GALNT9: variants seen among roughly 807,000 people sequenced by gnomAD.
The protein encoded by GALNT9 is polypeptide N-acetylgalactosaminyltransferase 9.
GALNT9 carries 47 observed loss-of-function variants against 63.1 expected under a neutral mutation model. The ratio of observed to expected loss-of-function variants is 0.75; its 90% CI spans 0.59 to 0.95. GALNT9 has a LOEUF of 0.95. Ranked by LOEUF, GALNT9 falls within the 40% of genes least tolerant of loss-of-function variation. The pLI, the probability that GALNT9 is intolerant of heterozygous loss-of-function variation, is 0.00. For synonymous variants in GALNT9, 396 were observed against 365.7 expected (o/e 1.08, Z -0.94); for missense variants, 829 against 874.8 (o/e 0.95, Z 0.66).
Position 132,286,266 on chromosome 12 carries a change from C to T in GALNT9, c.403G>A (p.Asp135Asn), listed in dbSNP as rs953723937. 4.5e-6 allele frequency: 7 copies of T among 1,550,386 alleles called. No individual in the cohort carries two copies. Among genetic ancestry groups the T allele is most frequent in the Non-Finnish European group, 5.2e-6 (6 of 1,146,458 alleles). ...CTCACTCACTTTCTGGGCCGGTAGT[C>T]GGGGATGCTCCGATCGAGGGAGATG... The part of the protein sequence containing the change: ...DRISLDRSIP[D>N]YRPRKCRQMS... The change falls in exon 2 of 11, where the codon GAC (aspartate) becomes AAC (asparagine). Residue 135 changes from aspartate to asparagine, a missense_variant. Coordinates refer to ENST00000328957, the MANE Select transcript of GALNT9 (RefSeq NM_001122636.2). The surrounding 1 kb of genome is among the most constrained non-coding windows in gnomAD (Gnocchi z 7.4).
chr12:132,197,907 G>A lies in GALNT9; in HGVS notation c.1550C>T (p.Thr517Ile), dbSNP rs370730159. ...ACACTTGGAGTCAGGCAAGAAGGCT[G>A]TGGAGCCCAGAGGCCCCAGCTGCAG... is the stretch of plus-strand genomic sequence containing the variant. Reference protein sequence around the residue: ...GLLQLGPLGSTAFLPDSKCLV... With the variant: ...GLLQLGPLGSIAFLPDSKCLV... Residue 517 changes from threonine (T) to isoleucine (I), a missense_variant, in exon 10 of 11, where the codon ACA (threonine) becomes ATA (isoleucine). By Grantham distance (89) the Thr-to-Ile change is moderately conservative. Transcript: ENST00000328957. The A allele has an allele frequency of 4.3e-6, 7 of 1,611,670 alleles. No homozygotes were observed. The highest frequency in any genetic ancestry group is 3.3e-5 in the South Asian group (3 of 90,784).
intron 1 of GALNT9, among the ~76,000 whole-genome samples, chr12:132,304,855 G>A (rs1211591373): frequency 4.2e-5 from 2 of 47,472 alleles, no homozygotes; most frequent in Admixed American, 4.6e-4. Context: ...ACCCTCACCC[G>A]GGCACAGAAT....
chr12:132,225,684 G>A (rs1209466344), intron 6 of GALNT9, among the ~76,000 whole-genome samples: 15 of 89,186 alleles, frequency 1.7e-4, no homozygotes, highest in East Asian at 3.7e-4. Flanking sequence ...CACACTGTAC[G>A]TACACACCCC....
chr12:132,199,202 A>G lies in GALNT9; in HGVS notation c.1469T>C (p.Leu490Pro). Residue 490 changes from leucine (L) to proline (P), a missense_variant, in exon 9 of 11, where the codon CTC (leucine) becomes CCC (proline). Leu to Pro is a moderately conservative substitution (Grantham distance 98). Transcript: ENST00000328957. ...QGAEDGDRAI[L>P]YPCHGMSSQL... Reference sequence around the variant, plus strand: ...GGAGGACATCCCGTGGCAGGGGTAGAGGATCGCCCGGTCGCCGTCCTCCGC... The same window carrying G: ...GGAGGACATCCCGTGGCAGGGGTAGGGGATCGCCCGGTCGCCGTCCTCCGC... 6.2e-7 allele frequency: 1 copy of G among 1,603,418 alleles called. No homozygotes were observed. The highest frequency in any genetic ancestry group is 8.5e-7 in the Non-Finnish European group (1 of 1,178,996).
intron 1 of GALNT9, among the ~76,000 whole-genome samples, chr12:132,309,823 C>T (rs1274699813): frequency 3.3e-5 from 5 of 152,184 alleles, no homozygotes; most frequent in Non-Finnish European, 4.4e-5. Context: ...GAGAAAGAGA[C>T]CATGCCAGGA....
At chr12:132,222,332 C>T (rs1307488555) in intron 6 of GALNT9, among the ~76,000 whole-genome samples, 2 of 152,162 alleles carry the variant, frequency 1.3e-5, no homozygotes, top group East Asian at 3.8e-4. Flanking sequence ...GGCCCCAGCA[C>T]TTGGGGAGGC....
chr12:132,312,724 A>C (rs1436375151), intron 1 of GALNT9, among the ~76,000 whole-genome samples: 3 of 152,202 alleles, frequency 2.0e-5, no homozygotes, highest in Non-Finnish European at 2.9e-5. Context: ...TGAAGCCCCC[A>C]GTGGAGTCCA....
Position 132,246,965 on chromosome 12 carries a change from T to C in GALNT9, c.1077+945A>G, listed in dbSNP as rs1878726896. Among the ~76,000 whole-genome samples the C allele has an allele frequency of 6.6e-6, 1 of 152,252 alleles. No homozygotes were observed. The highest frequency in any genetic ancestry group is 6.5e-5 in the Admixed American group (1 of 15,284). On this transcript the variant is annotated intron_variant, in intron 6 of 10. Coordinates refer to ENST00000328957, the MANE Select transcript of GALNT9 (RefSeq NM_001122636.2). The surrounding 1 kb of genome is among the most constrained non-coding windows in gnomAD (Gnocchi z 4.7). ...AACCGCAAGCTTACAGCACAGGTTT[T>C]GAAAGGTGCAACTTAATAAACTACA...
intron 4 of GALNT9, among the ~76,000 whole-genome samples, chr12:132,258,988 T>C (rs1380299344): frequency 6.6e-6 from 1 of 152,244 alleles, no homozygotes; most frequent in Non-Finnish European, 1.5e-5. Context: ...GGCAAGGCCC[T>C]GACCCTGCCT....
At chr12:132,210,904 C>T (rs1035220256) in intron 6 of GALNT9, among the ~76,000 whole-genome samples, 2 of 147,850 alleles carry the variant, frequency 1.4e-5, no homozygotes, top group African/African-American at 5.0e-5. Flanking sequence ...GTCTGGAGGT[C>T]GCTGTCTGGT....
intron 1 of GALNT9, among the ~76,000 whole-genome samples, chr12:132,326,140 A>G (rs1869026313): frequency 6.6e-6 from 1 of 152,228 alleles, no homozygotes; most frequent in Non-Finnish European, 1.5e-5. Flanking sequence ...TCTTAAAGGC[A>G]GAAGGGTTTG....
chr12:132,228,144 A>C (rs1236118340), intron 6 of GALNT9, among the ~76,000 whole-genome samples: 5 of 151,938 alleles, frequency 3.3e-5, no homozygotes, highest in African/African-American at 7.3e-5. Context: ...CCTTGGACAA[A>C]GCAGCTCTAG....
intron 1 of GALNT9, among the ~76,000 whole-genome samples, chr12:132,323,640 G>C (rs898908978): frequency 2.6e-5 from 4 of 152,244 alleles, no homozygotes; most frequent in Non-Finnish European, 4.4e-5. Flanking sequence ...AGGCTCCTCC[G>C]AGTGCCGGGA....
At position 132,201,210 on chromosome 12, in the gene GALNT9, T is replaced by G; in HGVS notation, c.1315A>C (p.Arg439=). ...DVSERLALRQ[R]LKCRSFKWYL... ...CACTTGAAGCTGCGACACTTCAGCC[T>G]CTGACGCAGGGCCAGCCTCTCAGAC... The change falls in exon 8 of 11, where the codon AGG becomes CGG. Residue 439 remains arginine, a synonymous_variant. Transcript: ENST00000328957. The G allele has an allele frequency of 1.9e-6, 3 of 1,612,868 alleles. No individual in the cohort carries two copies. The highest frequency in any genetic ancestry group is 2.2e-5 in the South Asian group (2 of 90,972).
At chr12:132,208,792 G>T (rs949733531) in intron 6 of GALNT9, among the ~76,000 whole-genome samples, 3 of 152,238 alleles carry the variant, frequency 2.0e-5, no homozygotes, top group African/African-American at 7.2e-5. Flanking sequence ...AGAGTGGATT[G>T]TTACACATCC....
intron 6 of GALNT9, among the ~76,000 whole-genome samples, chr12:132,227,963 T>C (rs1877758951): frequency 6.6e-6 from 1 of 152,154 alleles, no homozygotes; most frequent in South Asian, 2.1e-4. Context: ...GGAGGCCTGG[T>C]TGACCTGCTG....
intron 1 of GALNT9, among the ~76,000 whole-genome samples, chr12:132,311,179 C>T (rs1417300284): frequency 6.6e-6 from 1 of 152,176 alleles, no homozygotes; most frequent in East Asian, 1.9e-4. Flanking sequence ...AATGAGTGGG[C>T]CTGCAATTTG....
At chr12:132,321,544 A>AG (rs1440894690) in intron 1 of GALNT9, among the ~76,000 whole-genome samples, 5 of 152,252 alleles carry the variant, frequency 3.3e-5, no homozygotes, top group Non-Finnish European at 7.4e-5. Context: ...CTGTCCTGGC[A>AG]GCCCCCTGCC....
rs1285958643 is a variant in GALNT9, at chr12:132,282,455, A to ATG, written c.419+3793_419+3794dup. Among the ~76,000 whole-genome samples the ATG allele has an allele frequency of 6.6e-6, 1 of 152,126 alleles. No individual in the cohort carries two copies. The highest frequency in any genetic ancestry group is 1.9e-4 in the East Asian group (1 of 5,194). ...CGTGCATGCGTGTGTGTGCGTGTGCATGTGTGTGTGCACGCATGTGGTAAT... is the reference window on the plus strand; with the variant it reads ...CGTGCATGCGTGTGTGTGCGTGTGCATGTGTGTGTGTGCACGCATGTGGTAAT... On this transcript the variant is annotated intron_variant, in intron 2 of 10. Coordinates refer to ENST00000328957, the MANE Select transcript of GALNT9 (RefSeq NM_001122636.2). The surrounding 1 kb of genome is among the most constrained non-coding windows in gnomAD (Gnocchi z 4.5).
Sources: gnomAD v4.1 joint callset for allele counts (sites outside exome capture counted in the v4.1 genomes callset) on GRCh38, gnomAD v4.1.1 for gene constraint, Gnocchi (gnomAD v3.1) non-coding constraint, MANE v1.5 for transcripts, NCBI Gene and HGNC (gene_info 2026-07-23, HGNC 2026-07-21) for gene names.